PDE4D: variants seen among roughly 807,000 people sequenced by gnomAD.
PDE4D encodes the protein phosphodiesterase 4D, also known as 3',5'-cyclic-AMP phosphodiesterase 4D.
In PDE4D, 24 loss-of-function variants were observed where a neutral mutation model predicts 87.4. The ratio of observed to expected loss-of-function variants is 0.27; its 90% confidence interval spans 0.20 to 0.39. The LOEUF is 0.39. Ranked by LOEUF, PDE4D falls within the 10% of genes least tolerant of loss-of-function variation. PDE4D has a pLI of 1.00. For synonymous variants in PDE4D, 384 were observed against 383.2 expected (o/e 1.00, Z -0.02); for missense variants, 714 against 1,041.0 (o/e 0.69, Z 4.32).
At chr5:59,983,506 A>C (rs955135551) in intron 3 of PDE4D, among the ~76,000 whole-genome samples, 1 of 152,220 alleles carries the variant, frequency 6.6e-6, no homozygotes, top group Non-Finnish European at 1.5e-5. Context: ...ATATACAAAG[A>C]GCCCTCAGAA....
At chr5:59,789,481 G>T (rs1561665017) in intron 1 of PDE4D, among the ~76,000 whole-genome samples, 1 of 152,202 alleles carries the variant, frequency 6.6e-6, no homozygotes, top group South Asian at 2.1e-4. Flanking sequence ...CCAGTGCTAA[G>T]ATTCAAGATC....
At chr5:59,826,966 T>G (rs1366458460) in intron 1 of PDE4D, among the ~76,000 whole-genome samples, 2 of 152,036 alleles carry the variant, frequency 1.3e-5, no homozygotes, top group Admixed American at 1.3e-4. Context: ...AGGAGAGGAT[T>G]GATAGAATTG....
intron 1 of PDE4D, among the ~76,000 whole-genome samples, chr5:59,400,283 T>C (rs7725632): frequency 0.43 from 36,840 of 85,750 alleles, 9,687 homozygotes; most frequent in African/African-American, 0.6. Context: ...CACATGCACA[T>C]GTATGTTTAT....
intron 12 of PDE4D, among the ~76,000 whole-genome samples, chr5:58,976,860 G>A (rs960365607): frequency 1.3e-5 from 2 of 152,198 alleles, no homozygotes; most frequent in African/African-American, 4.8e-5. Context: ...ACTGTCTACT[G>A]ATGAGAAAAG....
chr5:60,418,228 T>A (rs1350337855), intron 1 of PDE4D, among the ~76,000 whole-genome samples: 1 of 152,204 alleles, frequency 6.6e-6, no homozygotes. Context: ...CATGATTCCA[T>A]ACAGAATTAA....
chr5:59,855,704 C>A (rs989943415), intron 1 of PDE4D, among the ~76,000 whole-genome samples: 7 of 152,082 alleles, frequency 4.6e-5, no homozygotes, highest in African/African-American at 1.4e-4. Flanking sequence ...TCTTAGGAGG[C>A]AGGAAGAAGA....
At chr5:59,838,136 A>G (rs1410167576) in intron 1 of PDE4D, among the ~76,000 whole-genome samples, 8 of 152,090 alleles carry the variant, frequency 5.3e-5, no homozygotes, top group African/African-American at 1.9e-4. Context: ...AAGACAAAAA[A>G]GTGGAGTTGT....
At chr5:59,974,317 A>G (rs1283113160) in intron 3 of PDE4D, among the ~76,000 whole-genome samples, 4 of 152,192 alleles carry the variant, frequency 2.6e-5, no homozygotes, top group Non-Finnish European at 5.9e-5. Context: ...AATTCAAAAT[A>G]CCTAAGATGT....
At chr5:59,866,599 T>C (rs921320361) in intron 1 of PDE4D, among the ~76,000 whole-genome samples, 1 of 152,032 alleles carries the variant, frequency 6.6e-6, no homozygotes, top group Non-Finnish European at 1.5e-5. Flanking sequence ...CAGTGAACTA[T>C]GATGATGCCA....
intron 1 of PDE4D, among the ~76,000 whole-genome samples, chr5:59,581,711 C>T (rs924996843): frequency 2.6e-5 from 4 of 152,002 alleles, no homozygotes; most frequent in African/African-American, 9.7e-5. Flanking sequence ...CATACTTAAT[C>T]GAATTATTTT....
intron 1 of PDE4D, among the ~76,000 whole-genome samples, chr5:59,776,455 A>C (rs1184763019): frequency 6.6e-6 from 1 of 152,240 alleles, no homozygotes; most frequent in East Asian, 1.9e-4. Context: ...TTTAGAAGAA[A>C]AATGAAAAAC....
intron 1 of PDE4D, among the ~76,000 whole-genome samples, chr5:60,498,830 G>A (rs1457833544): frequency 6.6e-6 from 1 of 152,082 alleles, no homozygotes; most frequent in Non-Finnish European, 1.5e-5. Context: ...AAGGGCTTCT[G>A]CCTTAGCCCA....
chr5:59,214,812 T>G (rs1318775861), intron 2 of PDE4D, among the ~76,000 whole-genome samples: 1 of 152,188 alleles, frequency 6.6e-6, no homozygotes, highest in Non-Finnish European at 1.5e-5. Flanking sequence ...ATAATTTCAT[T>G]TCTAGAACCC....
At chr5:59,679,534 A>AAT (rs1178448836) in intron 1 of PDE4D, among the ~76,000 whole-genome samples, 1 of 152,140 alleles carries the variant, frequency 6.6e-6, no homozygotes, top group African/African-American at 2.4e-5. Context: ...GACATCCCAC[A>AAT]ATATATGCAC....
rs569407154 is a variant in PDE4D, at chr5:59,932,933, G to C, written c.272+55555C>G. Among the ~76,000 whole-genome samples the C allele has an allele frequency of 8.0e-5, 12 of 149,856 alleles. No individual in the cohort carries two copies. The South Asian group carries it at 1.5e-3, about 19-fold the overall frequency. ...TTTTGCCACCTATCTGTCATCCCCA[G>C]GGAGCAGCTAACCCTTTAGAAATGG... On this transcript the variant is annotated intron_variant, in intron 3 of 16. Coordinates refer to the PDE4D transcript ENST00000502484.
intron 1 of PDE4D, among the ~76,000 whole-genome samples, chr5:60,350,449 T>C (rs917943478): frequency 6.6e-6 from 1 of 152,152 alleles, no homozygotes; most frequent in African/African-American, 2.4e-5. Flanking sequence ...GGCCAGAAAC[T>C]TCTCATGCAC....
At chr5:60,466,297 C>A (rs181072692) in intron 1 of PDE4D, among the ~76,000 whole-genome samples, 3 of 152,264 alleles carry the variant, frequency 2.0e-5, no homozygotes, top group Non-Finnish European at 2.9e-5. Flanking sequence ...AAGACAGAGA[C>A]CCTCACGGAT....
intron 2 of PDE4D, among the ~76,000 whole-genome samples, chr5:60,073,526 C>T (rs963052021): frequency 1.3e-5 from 2 of 149,476 alleles, no homozygotes; most frequent in African/African-American, 4.9e-5. Flanking sequence ...ATGATGCTGG[C>T]CTCATAGAAT....
intron 1 of PDE4D, among the ~76,000 whole-genome samples, chr5:60,371,925 T>A (rs562430509): frequency 1.3e-5 from 2 of 152,218 alleles, no homozygotes; most frequent in Admixed American, 6.5e-5. Flanking sequence ...TTATAAATAA[T>A]GCTACTATAT....
Sources: allele counts gnomAD v4.1 joint callset (sites outside exome capture counted in the v4.1 genomes callset), GRCh38; gene constraint gnomAD v4.1.1; transcripts MANE v1.5; gene names NCBI Gene and HGNC (gene_info 2026-07-23, HGNC 2026-07-21).